Variants in HIPK2 observed in about 807,000 individuals in gnomAD.
HIPK2 encodes the protein homeodomain interacting protein kinase 2.
In HIPK2, 27 loss-of-function variants were observed where a neutral mutation model predicts 113.7. That is an observed-to-expected ratio of 0.24 (90% CI 0.17 to 0.33). The LOEUF (loss-of-function observed/expected upper bound fraction) is 0.33, where lower values mean the gene tolerates loss of function less well. Ranked by LOEUF, HIPK2 falls within the 10% of genes least tolerant of loss-of-function variation. The pLI is 1.00. For missense variants in HIPK2, 1,257 were observed against 1,588.0 expected (o/e 0.79, Z 3.54); for synonymous variants, 631 against 642.2 (o/e 0.98, Z 0.26).
In HIPK2 at chr7:139,752,737, A is replaced by G. The variant is rs537704332; in HGVS notation, c.19+24868T>C. On this transcript the variant is annotated intron_variant, in intron 1 of 14. Transcript: ENST00000406875. The stretch of plus-strand genomic sequence containing the variant: ...TTTTTCACAGCTGAAAAAAAAAAAA[A>G]AAAGAAAAAGAGAAAGAAAACTCTG... Among the ~76,000 whole-genome samples the G allele has an allele frequency of 5.9e-5, 9 of 152,148 alleles. 1 individual carries two copies. The highest frequency in any genetic ancestry group is 1.9e-4 in the African/African-American group (8 of 41,538).
chr7:139,657,588 C>T (rs912193390), intron 2 of HIPK2, among the ~76,000 whole-genome samples: 1 of 152,190 alleles, frequency 6.6e-6, no homozygotes, highest in African/African-American at 2.4e-5. Flanking sequence ...TGGATTTACC[C>T]AGTGCTATCT....
chr7:139,583,893 G>C lies in HIPK2; in HGVS notation c.2889C>G (p.Asn963Lys), dbSNP rs777536755. The change falls in exon 13 of 15, where the codon AAC (asparagine) becomes AAG (lysine). Residue 963 changes from asparagine (N) to lysine (K), a missense_variant. Asn to Lys is a moderately conservative substitution (Grantham distance 94). Around this residue, in one of 5 missense-constraint regions of HIPK2, gnomAD observed 862 missense variants for 1,004.3 expected, o/e 0.86. Transcript: ENST00000406875. The part of the protein sequence containing the change: ...KGSLENHCTG[N>K]PRTIIVPPLK... ...GGGGTGGCACGATGATGGTTCGGGG[G>C]TTCCCCGTGCAGTGATTCTCCAGGC... The C allele has an allele frequency of 2.6e-5, 42 of 1,613,768 alleles. No homozygotes were observed. Among genetic ancestry groups the C allele is most frequent in the Non-Finnish European group, 2.3e-5 (27 of 1,179,858 alleles).
chr7:139,641,482 G>A (rs1407217476), intron 2 of HIPK2, among the ~76,000 whole-genome samples: 2 of 151,954 alleles, frequency 1.3e-5, no homozygotes, highest in Non-Finnish European at 2.9e-5. Flanking sequence ...TCACATGAAT[G>A]CTGGGTACAT....
At chr7:139,677,849 G>GTGGAGAAAAGAAAAAATATT (rs1291281228) in intron 2 of HIPK2, among the ~76,000 whole-genome samples, 1 of 152,234 alleles carries the variant, frequency 6.6e-6, no homozygotes, top group African/African-American at 2.4e-5. Context: ...GTGTGAAAGT[G>GTGGAGAAAAGAAAAAATATT]TTCCTATTTC....
At chr7:139,606,329 A>C (rs28574772) in intron 9 of HIPK2, among the ~76,000 whole-genome samples, 31,016 of 152,144 alleles carry the variant, frequency 0.2, 4,176 homozygotes, top group African/African-American at 0.39. Context: ...TTCCATTTCT[A>C]AGATTAATAA....
At chr7:139,662,543 A>G (rs532042767) in intron 2 of HIPK2, among the ~76,000 whole-genome samples, 39 of 151,956 alleles carry the variant, frequency 2.6e-4, no homozygotes, top group African/African-American at 8.4e-4. Context: ...CGGGCCATAT[A>G]CCAGGGGTGT....
intron 2 of HIPK2, among the ~76,000 whole-genome samples, chr7:139,706,820 G>C (rs1458032187): frequency 6.6e-6 from 1 of 152,250 alleles, no homozygotes; most frequent in Non-Finnish European, 1.5e-5. Context: ...CCACACATGT[G>C]ATTGGTGGGA....
intron 2 of HIPK2, among the ~76,000 whole-genome samples, chr7:139,645,691 G>A (rs973784791): frequency 2.0e-5 from 3 of 152,156 alleles, no homozygotes; most frequent in Non-Finnish European, 2.9e-5. Flanking sequence ...GATGAGGCTG[G>A]CCTTGCTCTC....
intron 2 of HIPK2, among the ~76,000 whole-genome samples, chr7:139,649,635 G>C (rs1801384547): frequency 6.6e-6 from 1 of 152,062 alleles, no homozygotes; most frequent in Non-Finnish European, 1.5e-5. Context: ...TGCAGGAACA[G>C]GAGCAACCCT....
In HIPK2 at chr7:139,631,431, A is replaced by G; in HGVS notation, c.1228-147T>C. 7.0e-7 allele frequency: 1 copy of G among 1,424,488 alleles called. No homozygotes were observed. The highest frequency in any genetic ancestry group is 9.3e-7 in the Non-Finnish European group (1 of 1,074,412). The allele number at this position is 1,424,488 out of a possible 1,614,324, so 88.2% of individuals were successfully genotyped here. A position where few individuals can be genotyped will look rare whatever the true frequency, so the allele number is the denominator to read the frequency against. On this transcript the variant is annotated intron_variant, in intron 3 of 14. Coordinates refer to ENST00000406875, the MANE Select transcript of HIPK2 (RefSeq NM_022740.5). The surrounding 1 kb of genome is among the most constrained non-coding windows in gnomAD (Gnocchi z 4.9). ...AAAAAAGAGAAAAAAGAAAAAGGGAAAAGAGAAAGGAATAAAGAAAAAATA... is the reference window on the plus strand; with the variant it reads ...AAAAAAGAGAAAAAAGAAAAAGGGAGAAGAGAAAGGAATAAAGAAAAAATA...
At chr7:139,736,522 CCTCTG>C (rs1795943820) in intron 1 of HIPK2, among the ~76,000 whole-genome samples, 1 of 152,164 alleles carries the variant, frequency 6.6e-6, no homozygotes, top group African/African-American at 2.4e-5. Context: ...GCACAGATGC[CCTCTG>C]CTCTGCCCTG....
intron 12 of HIPK2, among the ~76,000 whole-genome samples, chr7:139,592,188 A>G (rs1280650827): frequency 6.6e-6 from 1 of 152,228 alleles, no homozygotes; most frequent in African/African-American, 2.4e-5. Context: ...TTTTATATCT[A>G]AAATACTGAA....
At position 139,636,153 on chromosome 7, in the gene HIPK2, A is replaced by AT. The variant is rs761474971; in HGVS notation, c.1104-4429dup. Among the ~76,000 whole-genome samples, 191 of 152,012 alleles carry AT rather than the reference A, an allele frequency of 1.3e-3. 2 individuals are homozygous for AT. Among genetic ancestry groups the AT allele is most frequent in the Non-Finnish European group, 2.3e-3 (153 of 67,976 alleles). On this transcript the variant is annotated intron_variant, in intron 2 of 14. Transcript: ENST00000406875. ...CTTAGCTCTGTGACCTGGGAGCCAC[A>AT]TTTTTTTCACGCGGGTGATCATTCC...
At chr7:139,579,890 A>G (rs753592263) in intron 13 of HIPK2, among the ~76,000 whole-genome samples, 5 of 152,290 alleles carry the variant, frequency 3.3e-5, no homozygotes, top group African/African-American at 4.8e-5. Context: ...CAGTATTCTT[A>G]GCAAGCTTCC....
At chr7:139,628,852 A>G in intron 5 of HIPK2, 101 bp downstream of exon 5, 1 of 992,280 alleles carries the variant, frequency 1.0e-6, no homozygotes, top group Non-Finnish European at 1.5e-6. Flanking sequence ...CTGCAGTTGA[A>G]TAATGTGGAT....
chr7:139,749,339 T>G (rs1049070077), intron 1 of HIPK2, among the ~76,000 whole-genome samples: 1 of 152,248 alleles, frequency 6.6e-6, no homozygotes, highest in Non-Finnish European at 1.5e-5. Flanking sequence ...GTCTGGGTTA[T>G]AAGACACAGG....
At chr7:139,762,336 AG>A (rs1723345694) in intron 1 of HIPK2, among the ~76,000 whole-genome samples, 1 of 152,244 alleles carries the variant, frequency 6.6e-6, no homozygotes, top group South Asian at 2.1e-4. Flanking sequence ...AAGAAACAAG[AG>A]CAAAGTCAAT....
Position 139,683,318 on chromosome 7 carries a change from T to C in HIPK2, c.1103+32614A>G, listed in dbSNP as rs1794109539. Among the ~76,000 whole-genome samples the C allele has an allele frequency of 6.6e-6, 1 of 152,180 alleles. No homozygotes were observed. The highest frequency in any genetic ancestry group is 1.5e-5 in the Non-Finnish European group (1 of 68,026). On this transcript the variant is annotated intron_variant, in intron 2 of 14. Coordinates refer to ENST00000406875, the MANE Select transcript of HIPK2 (RefSeq NM_022740.5). This position sits in a 1 kb window ranked among gnomAD's most constrained non-coding sequence, Gnocchi z 4.2. ...GTGCCTTAAAATAACCATTACTTCA[T>C]GGTTGCTCTAGGCCAGTGCTTCAGC... is the stretch of plus-strand genomic sequence containing the variant.
chr7:139,725,414 C>T (rs1795546633), intron 1 of HIPK2, among the ~76,000 whole-genome samples: 2 of 152,296 alleles, frequency 1.3e-5, no homozygotes, highest in East Asian at 1.9e-4. Context: ...GCCAGCACTG[C>T]GGTCTCTGTA....
Sources: allele counts gnomAD v4.1 joint callset (sites outside exome capture counted in the v4.1 genomes callset), GRCh38; gene constraint gnomAD v4.1.1; regional missense constraint gnomAD v4.1.1; non-coding constraint Gnocchi (gnomAD v3.1); transcripts MANE v1.5; gene names NCBI Gene and HGNC (gene_info 2026-07-23, HGNC 2026-07-21).